DGKB: variants seen among roughly 807,000 people sequenced by gnomAD.
The protein encoded by DGKB is 90 kDa diacylglycerol kinase.
A neutral mutation model predicts 114.3 loss-of-function variants in DGKB; 67 were observed. The observed-to-expected ratio is 0.59, with a 90% CI of 0.48 to 0.72. The LOEUF is 0.72. Among genes scored for constraint, DGKB ranks in the 30% least tolerant of loss-of-function variants. The pLI, the probability that DGKB is intolerant of heterozygous loss-of-function variation, is 0.00. For missense variants in DGKB, 907 were observed against 975.2 expected, an observed-to-expected ratio of 0.93 and a Z score of 0.93; for synonymous variants, 398 against 323.1, an observed-to-expected ratio of 1.23 and a Z score of -2.49.
chr7:14,834,961 A>G (rs1175893642), intron 2 of DGKB, among the ~76,000 whole-genome samples: 1 of 152,172 alleles, frequency 6.6e-6, no homozygotes. Context: ...GATTTAAGAC[A>G]TATGGACACA....
chr7:14,560,445 T>C (rs1391027403), intron 20 of DGKB, among the ~76,000 whole-genome samples: 2 of 152,228 alleles, frequency 1.3e-5, no homozygotes, highest in Non-Finnish European at 2.9e-5. Flanking sequence ...CTCATATAAA[T>C]GCAATTATGA....
chr7:14,462,552 A>C (rs113949569), intron 21 of DGKB, among the ~76,000 whole-genome samples: 4,004 of 152,296 alleles, frequency 0.026, 194 homozygotes, highest in African/African-American at 0.09. Flanking sequence ...AAGGGATGTG[A>C]AGGACCTCTT....
chr7:14,432,868 A>C (rs1828678039), intron 21 of DGKB, among the ~76,000 whole-genome samples: 1 of 152,034 alleles, frequency 6.6e-6, no homozygotes, highest in Non-Finnish European at 1.5e-5. Context: ...TTTAATGTCA[A>C]GTAACACGCT....
At chr7:14,924,211 G>A (rs1784645908) in intron 1 of DGKB, among the ~76,000 whole-genome samples, 1 of 151,934 alleles carries the variant, frequency 6.6e-6, no homozygotes, top group African/African-American at 2.4e-5. Context: ...TGCTGGGTAT[G>A]CAGTTCTAAA....
intron 20 of DGKB, among the ~76,000 whole-genome samples, chr7:14,562,697 G>A (rs1381721945): frequency 3.9e-5 from 6 of 152,184 alleles, no homozygotes; most frequent in Admixed American, 6.5e-5. Context: ...CATTTGGAAT[G>A]AGTGTATTTA....
At chr7:14,528,663 GA>G (rs1032779033) in intron 20 of DGKB, among the ~76,000 whole-genome samples, 2 of 151,186 alleles carry the variant, frequency 1.3e-5, no homozygotes, top group African/African-American at 2.4e-5. Flanking sequence ...AGTGAAAACA[GA>G]AAAAAAACTA....
chr7:14,233,031 C>A (rs2128344635), intron 23 of DGKB, among the ~76,000 whole-genome samples: 1 of 152,142 alleles, frequency 6.6e-6, no homozygotes, highest in Non-Finnish European at 1.5e-5. Flanking sequence ...AAAGACTATT[C>A]AAGCTTATTA....
intron 25 of DGKB, among the ~76,000 whole-genome samples, chr7:14,161,049 A>T (rs757710587): frequency 6.6e-6 from 1 of 152,230 alleles, no homozygotes; most frequent in Non-Finnish European, 1.5e-5. Context: ...CAGCCAACAC[A>T]CATATGAGAA....
At chr7:14,750,275 T>A (rs1044141089) in intron 4 of DGKB, 2 of 457,310 alleles carry the variant, frequency 4.4e-6, no homozygotes, top group Non-Finnish European at 8.8e-6. Context: ...TTCCCACTGG[T>A]TTATCAGTAT....
chr7:14,456,477 T>G (rs1291624141), intron 21 of DGKB, among the ~76,000 whole-genome samples: 1 of 152,054 alleles, frequency 6.6e-6, no homozygotes, highest in Non-Finnish European at 1.5e-5. Context: ...CAATCCTATG[T>G]GACTTTTCAA....
chr7:14,932,734 C>A (rs1587407413), intron 1 of DGKB, among the ~76,000 whole-genome samples: 1 of 152,134 alleles, frequency 6.6e-6, no homozygotes, highest in Admixed American at 6.5e-5. Context: ...GCAGCTATAG[C>A]ACCTAAGGCT....
At chr7:14,405,488 C>T (rs530440845) in intron 21 of DGKB, among the ~76,000 whole-genome samples, 1 of 152,088 alleles carries the variant, frequency 6.6e-6, no homozygotes, top group South Asian at 2.1e-4. Flanking sequence ...ATGAGATAGG[C>T]TTCTTAAAGG....
intron 20 of DGKB, among the ~76,000 whole-genome samples, chr7:14,545,965 G>C (rs906534563): frequency 4.6e-5 from 7 of 152,156 alleles, no homozygotes; most frequent in African/African-American, 1.7e-4. Context: ...TCTTGTTAAG[G>C]GAACGAGAGT....
chr7:14,625,815 T>C (rs1808469657), intron 14 of DGKB, among the ~76,000 whole-genome samples: 1 of 152,114 alleles, frequency 6.6e-6, no homozygotes, highest in Non-Finnish European at 1.5e-5. Flanking sequence ...ATAGAACATA[T>C]AACTACAAAA....
At chr7:14,694,448 A>G (rs1422664810) in intron 8 of DGKB, among the ~76,000 whole-genome samples, 6 of 152,216 alleles carry the variant, frequency 3.9e-5, no homozygotes. Flanking sequence ...CAGCACAGCT[A>G]AAACAAGAAG....
At chr7:14,857,953 G>A (rs1404732301) in intron 1 of DGKB, among the ~76,000 whole-genome samples, 1 of 151,884 alleles carries the variant, frequency 6.6e-6, no homozygotes, top group African/African-American at 2.4e-5. Context: ...ATGTATCTTT[G>A]GCCATATGGA....
At chr7:14,473,352 A>C (rs1781700238) in intron 21 of DGKB, among the ~76,000 whole-genome samples, 1 of 152,170 alleles carries the variant, frequency 6.6e-6, no homozygotes, top group African/African-American at 2.4e-5. Context: ...TGAGCCTGAG[A>C]GTGCATAGCA....
intron 21 of DGKB, among the ~76,000 whole-genome samples, chr7:14,424,157 A>T (rs1407601052): frequency 6.6e-6 from 1 of 152,068 alleles, no homozygotes; most frequent in East Asian, 1.9e-4. Context: ...CCTACCATTC[A>T]GTAAAACCAA....
rs144012264 is a variant in DGKB, at chr7:14,929,854, G to A, written c.-188+44842C>T. ...TTCTTCTAGTATTATTGTAGTTTAT[G>A]GTCTTACGTTTAAGTCTTTAATCCA... is the stretch of plus-strand genomic sequence containing the variant. On this transcript the variant is annotated intron_variant, in intron 1 of 4. Coordinates refer to the DGKB transcript ENST00000437998. 8.5e-5 allele frequency among the ~76,000 whole-genome samples: 13 copies of A among 152,144 alleles called. No individual in the cohort carries two copies. In the East Asian group the frequency reaches 2.3e-3, roughly 27 times the overall value.
Sources: allele counts gnomAD v4.1 joint callset (sites outside exome capture counted in the v4.1 genomes callset), GRCh38; gene constraint gnomAD v4.1.1; transcripts MANE v1.5; gene names NCBI Gene and HGNC (gene_info 2026-07-23, HGNC 2026-07-21).